Variants in GPHN observed in about 807,000 individuals in gnomAD.
GPHN encodes the protein gephyrin.
GPHN carries 17 observed loss-of-function variants against 95.5 expected under a neutral mutation model. The ratio of observed to expected loss-of-function variants is 0.18; its 90% CI spans 0.12 to 0.27. GPHN has a LOEUF of 0.27. GPHN is among the 10% of genes least tolerant of loss of function. The pLI is 1.00. For missense variants in GPHN, 660 were observed against 978.1 expected (o/e 0.67, Z 4.34); for synonymous variants, 320 against 322.5 (o/e 0.99, Z 0.08).
At chr14:66,575,644 C>T (rs1326879709) in intron 1 of GPHN, among the ~76,000 whole-genome samples, 4 of 152,052 alleles carry the variant, frequency 2.6e-5, no homozygotes, top group Non-Finnish European at 5.9e-5. Context: ...CTGCCGGGTG[C>T]CCAGACACAA....
the GPHN span, among the ~76,000 whole-genome samples, chr14:67,632,981 C>T: frequency 2.6e-5 from 4 of 151,520 alleles, no homozygotes; most frequent in South Asian, 2.1e-4. Flanking sequence ...CCACCACGCC[C>T]GGCTAATTTT....
the GPHN span, among the ~76,000 whole-genome samples, chr14:67,380,325 G>GT: frequency 0.035 from 5,206 of 149,372 alleles, 109 homozygotes; most frequent in East Asian, 0.06. Context: ...GTTTTTCCAT[G>GT]TTTTTTTTTT....
intron 13 of GPHN, among the ~76,000 whole-genome samples, chr14:67,102,466 G>C (rs1190991084): frequency 6.6e-6 from 1 of 151,858 alleles, no homozygotes; most frequent in Non-Finnish European, 1.5e-5. Context: ...TTTAAGACCA[G>C]TGTAACCAAC....
At chr14:67,569,770 G>A in the GPHN span, 2 of 640,468 alleles carry the variant, frequency 3.1e-6, no homozygotes, top group East Asian at 2.7e-5. Flanking sequence ...GGGAGTCAAG[G>A]GGAGAAGATG....
intron 1 of GPHN, among the ~76,000 whole-genome samples, chr14:66,677,442 T>C (rs1448913732): frequency 2.6e-5 from 4 of 152,134 alleles, no homozygotes; most frequent in South Asian, 2.1e-4. Flanking sequence ...TATAAGTTTT[T>C]GGTATGCTGT....
chr14:67,486,914 C>T, the GPHN span: 1 of 152,266 alleles, frequency 6.6e-6, no homozygotes, highest in Non-Finnish European at 1.5e-5. Context: ...GAACTAGAAC[C>T]TCCAGACTCG....
At chr14:67,646,377 G>A in the GPHN span, 1 of 444,180 alleles carries the variant, frequency 2.3e-6, no homozygotes, top group Non-Finnish European at 4.0e-6. Context: ...CAGTATTCCT[G>A]CTACTAGGTA....
At chr14:67,206,532 A>G in the GPHN span, among the ~76,000 whole-genome samples, 1 of 152,170 alleles carries the variant, frequency 6.6e-6, no homozygotes. Context: ...CCTAATTTTT[A>G]ATTAGGAAAA....
At chr14:67,047,360 G>GTGTGTGTGTGTGTT (rs1277372679) in intron 10 of GPHN, among the ~76,000 whole-genome samples, 1 of 133,588 alleles carries the variant, frequency 7.5e-6, no homozygotes, top group African/African-American at 2.7e-5. Context: ...GTGTGTGTGT[G>GTGTGTGTGTGTGTT]TGTTTGTTTT....
At chr14:67,396,472 T>G in the GPHN span, among the ~76,000 whole-genome samples, 2 of 151,726 alleles carry the variant, frequency 1.3e-5, no homozygotes, top group Non-Finnish European at 2.9e-5. Context: ...CATCAGACCA[T>G]GCTCTCACTC....
the GPHN span, among the ~76,000 whole-genome samples, chr14:67,554,835 T>G: frequency 2.6e-5 from 4 of 152,206 alleles, no homozygotes; most frequent in African/African-American, 9.6e-5. Context: ...CTTGGGCCAC[T>G]TGGTGTAATA....
the GPHN span, among the ~76,000 whole-genome samples, chr14:67,430,654 G>A: frequency 6.6e-6 from 1 of 152,160 alleles, no homozygotes; most frequent in South Asian, 2.1e-4. Context: ...GTGGAGTGGA[G>A]TCTTGGTGGA....
At chr14:67,528,862 G>A in the GPHN span, among the ~76,000 whole-genome samples, 1 of 152,128 alleles carries the variant, frequency 6.6e-6, no homozygotes, top group South Asian at 2.1e-4. Context: ...GCAGACTCCT[G>A]GGCCCACTGA....
intron 18 of GPHN, among the ~76,000 whole-genome samples, chr14:67,153,612 A>G (rs2081411558): frequency 6.6e-6 from 1 of 152,104 alleles, no homozygotes; most frequent in African/African-American, 2.4e-5. Context: ...CATTGCATTT[A>G]CTCTCAGTTT....
the GPHN span, among the ~76,000 whole-genome samples, chr14:67,268,009 A>G: frequency 6.6e-6 from 1 of 152,136 alleles, no homozygotes; most frequent in Non-Finnish European, 1.5e-5. Context: ...GTTTTAGACT[A>G]TTATTAATAT....
chr14:66,684,660 A>G (rs1393265295), intron 2 of GPHN, among the ~76,000 whole-genome samples: 1 of 152,210 alleles, frequency 6.6e-6, no homozygotes, highest in African/African-American at 2.4e-5. Flanking sequence ...TATTGTGTGA[A>G]CATGGCAGAG....
chr14:67,226,860 CTTG>C, the GPHN span, among the ~76,000 whole-genome samples: 2 of 152,182 alleles, frequency 1.3e-5, no homozygotes, highest in African/African-American at 2.4e-5. Flanking sequence ...TTCCCCTTAA[CTTG>C]TTGTATGGTG....
chr14:67,098,959 T>G (rs1783396373), intron 12 of GPHN, among the ~76,000 whole-genome samples: 1 of 152,136 alleles, frequency 6.6e-6, no homozygotes, highest in African/African-American at 2.4e-5. Flanking sequence ...GGTGTGGAAC[T>G]CTGAAAGATA....
the GPHN span, among the ~76,000 whole-genome samples, chr14:67,285,529 G>A: frequency 6.6e-6 from 1 of 152,004 alleles, no homozygotes; most frequent in Non-Finnish European, 1.5e-5. Flanking sequence ...ACCACCCCTG[G>A]CTAATTTTTT....
Sources: allele counts gnomAD v4.1 joint callset (sites outside exome capture counted in the v4.1 genomes callset), GRCh38; gene constraint gnomAD v4.1.1; transcripts MANE v1.5; gene names NCBI Gene and HGNC (gene_info 2026-07-23, HGNC 2026-07-21).